The following GLIPR2 variants were observed in gnomAD, a reference collection of about 807,000 sequenced individuals.
GLIPR2 encodes GLI pathogenesis related 2.
In GLIPR2, 21 loss-of-function variants were observed where a neutral mutation model predicts 20.4. That is an observed-to-expected ratio of 1.03 (90% confidence interval 0.73 to 1.48). The LOEUF (loss-of-function observed/expected upper bound fraction) is 1.48, where lower values mean the gene tolerates loss of function less well. Ranked by LOEUF, GLIPR2 falls within the 40% of genes most tolerant of loss-of-function variation. The pLI is 0.00. For missense variants in GLIPR2, 205 were observed against 200.1 expected (o/e 1.02, Z -0.15); for synonymous variants, 91 against 80.5 (o/e 1.13, Z -0.70).
chr9:36,136,811 C>A lies in GLIPR2; in HGVS notation c.13+20C>A, dbSNP rs1824838514. The A allele has an allele frequency of 3.1e-6, 4 of 1,298,036 alleles. No individual in the cohort carries two copies. Among genetic ancestry groups the A allele is most frequent in the Non-Finnish European group, 3.9e-6 (4 of 1,026,180 alleles). 80.4% of individuals were successfully genotyped at this position (1,298,036 alleles called of 1,614,324 possible). A position where few individuals can be genotyped will look rare whatever the true frequency, so the allele number is the denominator to read the frequency against. ...AGTCAGGTGAGCCCGCGGGCTCGCC[C>A]GCTGCGGAATGGTTCGGAACCCCGC... On this transcript the variant is annotated intron_variant, in intron 1 of 4. Coordinates refer to ENST00000377960, the MANE Select transcript of GLIPR2 (RefSeq NM_022343.4). The surrounding 1 kb of genome is among the most constrained non-coding windows in gnomAD (Gnocchi z 4.3).
In GLIPR2 at chr9:36,163,314, C is replaced by T. The variant is rs762836771; in HGVS notation, c.*792C>T. ...GCTAGGCCTGAAGCTCCCCCTCCCCCACCTCTGCTAGGCAGCCCAGGCCTG... is the reference window on the plus strand; with the variant it reads ...GCTAGGCCTGAAGCTCCCCCTCCCCTACCTCTGCTAGGCAGCCCAGGCCTG... On this transcript the variant is annotated 3_prime_UTR_variant, in exon 5 of 5. Coordinates refer to ENST00000377960, the MANE Select transcript of GLIPR2 (RefSeq NM_022343.4). 5.2e-6 allele frequency: 1 copy of T among 191,556 alleles called. No homozygotes were observed. The highest frequency in any genetic ancestry group is 1.1e-5 in the Non-Finnish European group (1 of 92,434). The allele number at this position is 191,556 out of a possible 1,614,324, so 11.9% of individuals were successfully genotyped here. A position where few individuals can be genotyped will look rare whatever the true frequency, so the allele number is the denominator to read the frequency against.
At position 36,136,941 on chromosome 9, in the gene GLIPR2, G is replaced by T; in HGVS notation, c.13+150G>T. 5 of 947,174 alleles carry T rather than the reference G, an allele frequency of 5.3e-6. No homozygotes were observed. The highest frequency in any genetic ancestry group is 6.9e-6 in the Non-Finnish European group (5 of 729,048). 58.7% of individuals were successfully genotyped at this position (947,174 alleles called of 1,614,324 possible). ...GCGCGCGGGCGGAGCGCCCCGGCGCGGTTTCCGGGGAACCCGGGGGGAAGG... is the reference window on the plus strand; with the variant it reads ...GCGCGCGGGCGGAGCGCCCCGGCGCTGTTTCCGGGGAACCCGGGGGGAAGG... On this transcript the variant is annotated intron_variant, in intron 1 of 4. Coordinates refer to ENST00000377960, the MANE Select transcript of GLIPR2 (RefSeq NM_022343.4). This position sits in a 1 kb window ranked among gnomAD's most constrained non-coding sequence, Gnocchi z 4.3.
chr9:36,160,887 C>T (rs1345444604), intron 4 of GLIPR2, among the ~76,000 whole-genome samples: 1 of 151,468 alleles, frequency 6.6e-6, no homozygotes, highest in Non-Finnish European at 1.5e-5. Flanking sequence ...ACTAAAAATA[C>T]AAAAAAATAG....
Position 36,162,750 on chromosome 9 carries a change from A to C in GLIPR2, c.*228A>C. On this transcript the variant is annotated 3_prime_UTR_variant, in exon 5 of 5. Coordinates refer to ENST00000377960, the MANE Select transcript of GLIPR2 (RefSeq NM_022343.4). ...TACCCCGATGGTTACCTAGACCACG[A>C]TTATTTGGATTGGGGGGAGGGGGGA... is the stretch of plus-strand genomic sequence containing the variant. 1 of 565,392 alleles carries C rather than the reference A, an allele frequency of 1.8e-6. No individual in the cohort carries two copies. The highest frequency in any genetic ancestry group is 3.1e-6 in the Non-Finnish European group (1 of 318,596). The allele number at this position is 565,392 out of a possible 1,614,324, so 35.0% of individuals were successfully genotyped here. A position where few individuals can be genotyped will look rare whatever the true frequency, so the allele number is the denominator to read the frequency against.
intron 3 of GLIPR2, among the ~76,000 whole-genome samples, chr9:36,150,620 A>G (rs1000624272): frequency 6.6e-6 from 1 of 152,166 alleles, no homozygotes; most frequent in Non-Finnish European, 1.5e-5. Flanking sequence ...TGTGGGGGAT[A>G]GGTGCAGATT....
In GLIPR2 at chr9:36,159,444, C is replaced by T. The variant is rs148806598; in HGVS notation, c.305-2918C>T. ...TATTCATCAGTTCCACTCATTCTTT[C>T]AAACATTTATTTTACACTTTTCATG... On this transcript the variant is annotated intron_variant, in intron 4 of 4. Coordinates refer to ENST00000377960, the MANE Select transcript of GLIPR2 (RefSeq NM_022343.4). 4.5e-4 allele frequency among the ~76,000 whole-genome samples: 68 copies of T among 152,334 alleles called. No individual in the cohort carries two copies. The East Asian group carries it at 0.012, about 27-fold the overall frequency.
intron 4 of GLIPR2, among the ~76,000 whole-genome samples, chr9:36,154,107 C>CT (rs200911287): frequency 1.4e-5 from 2 of 145,882 alleles, no homozygotes; most frequent in Admixed American, 6.9e-5. Flanking sequence ...CTTTTCCCCC[C>CT]CCCTTTGAGA....
intron 4 of GLIPR2, among the ~76,000 whole-genome samples, chr9:36,151,645 G>A (rs1405607450): frequency 1.3e-5 from 2 of 152,268 alleles, no homozygotes; most frequent in African/African-American, 4.8e-5. Context: ...CCTGAGAGCC[G>A]GTGACTCAAG....
rs112491188 is a variant in GLIPR2 at position 36,154,108 on chromosome 9, C to CG, written c.304+3159_304+3160insG. Among the ~76,000 whole-genome samples, 19 of 144,474 alleles carry CG rather than the reference C, an allele frequency of 1.3e-4. 1 individual carries two copies. Among genetic ancestry groups the CG allele is most frequent in the Admixed American group, 7.0e-4 (10 of 14,300 alleles). The allele number at this position is 144,474 out of a possible 152,430, so 94.8% of individuals were successfully genotyped here. A position where few individuals can be genotyped will look rare whatever the true frequency, so the allele number is the denominator to read the frequency against. On this transcript the variant is annotated intron_variant, in intron 4 of 4. Transcript: ENST00000377960. ...TTATATATATATATCTTTTCCCCCC[C>CG]CCTTTGAGACCGAGTCTCACTCCGT...
Position 36,147,156 on chromosome 9 carries a change from TCAG to T in GLIPR2, c.14-627_14-625del, listed in dbSNP as rs1166545942. On this transcript the variant is annotated intron_variant, in intron 1 of 4. Coordinates refer to ENST00000377960, the MANE Select transcript of GLIPR2 (RefSeq NM_022343.4). ...CGAGGTATTTCTTAATTCAGTCAAG[TCAG>T]CACCTAAAACTCGCCCTCACACTCT... 3.9e-5 allele frequency among the ~76,000 whole-genome samples: 6 copies of T among 152,282 alleles called. No homozygotes were observed. In the East Asian group the frequency reaches 1.2e-3, roughly 29 times the overall value.
intron 4 of GLIPR2, among the ~76,000 whole-genome samples, chr9:36,155,536 G>A (rs942211485): frequency 2.0e-5 from 3 of 152,154 alleles, no homozygotes; most frequent in African/African-American, 7.2e-5. Context: ...GGAGGTTGCA[G>A]TGACATGAGA....
intron 1 of GLIPR2, chr9:36,141,880 C>T (rs544777044): frequency 1.1e-5 from 5 of 455,480 alleles, no homozygotes; most frequent in African/African-American, 6.0e-5. Flanking sequence ...AGAGGCCTGG[C>T]CTCCAGAAGG....
At position 36,162,467 on chromosome 9, in the gene GLIPR2, G is replaced by C; in HGVS notation, c.410G>C (p.Gly137Ala). 6.2e-7 allele frequency: 1 copy of C among 1,614,174 alleles called. No homozygotes were observed. The highest frequency in any genetic ancestry group is 8.5e-7 in the Non-Finnish European group (1 of 1,180,034). Residue 137 changes from glycine (G) to alanine (A), a missense_variant, in exon 5 of 5, where the codon GGG (glycine) becomes GCG (alanine). Transcript: ENST00000377960. The stretch of plus-strand genomic sequence containing the variant: ...GTGGTGGCCAGATACTTCCCAGCGG[G>C]GAATGTTGTCAATGAGGGCTTCTTC... ...SFVVARYFPA[G>A]NVVNEGFFEE...
chr9:36,156,704 G>A (rs996187107), intron 4 of GLIPR2, among the ~76,000 whole-genome samples: 1 of 152,178 alleles, frequency 6.6e-6, no homozygotes, highest in African/African-American at 2.4e-5. Flanking sequence ...TGTCAGATCA[G>A]CAGTGGCGTT....
At chr9:36,149,275 G>A (rs1825479957) in intron 3 of GLIPR2, among the ~76,000 whole-genome samples, 1 of 152,202 alleles carries the variant, frequency 6.6e-6, no homozygotes, top group Admixed American at 6.5e-5. Flanking sequence ...ATATTGGAGA[G>A]CTGTCTGGAT....
chr9:36,159,822 C>T (rs892623343), intron 4 of GLIPR2, among the ~76,000 whole-genome samples: 9 of 152,032 alleles, frequency 5.9e-5, no homozygotes, highest in South Asian at 2.1e-4. Flanking sequence ...AACAATTAGC[C>T]GGGCATAGTG....
At chr9:36,143,310 C>T (rs1825170962) in intron 1 of GLIPR2, among the ~76,000 whole-genome samples, 2 of 152,172 alleles carry the variant, frequency 1.3e-5, no homozygotes. Context: ...CTGGCTCTTT[C>T]TGTGCTGTTG....
At chr9:36,141,548 G>A (rs1173261069) in intron 1 of GLIPR2, among the ~76,000 whole-genome samples, 1 of 152,198 alleles carries the variant, frequency 6.6e-6, no homozygotes, top group Non-Finnish European at 1.5e-5. Flanking sequence ...AGTGAGTCAG[G>A]CTGGGCTCAG....
intron 4 of GLIPR2, chr9:36,162,101 G>A (rs1826080257): frequency 1.7e-6 from 1 of 580,176 alleles, no homozygotes; most frequent in African/African-American, 1.9e-5. Flanking sequence ...CTCGAACCCA[G>A]GAGGTGGAGG....
Sources: allele counts gnomAD v4.1 joint callset (sites outside exome capture counted in the v4.1 genomes callset), GRCh38; gene constraint gnomAD v4.1.1; non-coding constraint Gnocchi (gnomAD v3.1); transcripts MANE v1.5; gene names NCBI Gene and HGNC (gene_info 2026-07-23, HGNC 2026-07-21).